The following GRAMD1C variants were observed in gnomAD, a reference collection of about 807,000 sequenced individuals.
The protein encoded by GRAMD1C is GRAM domain containing 1C, also known as protein Aster-C.
Under a neutral mutation model 97.8 loss-of-function variants are expected in GRAMD1C, and 89 were observed. That is an observed-to-expected ratio of 0.91 (90% CI 0.77 to 1.09). The LOEUF (loss-of-function observed/expected upper bound fraction) is 1.09. Among genes scored for constraint, GRAMD1C ranks in the 50% least tolerant of loss-of-function variants. The pLI is 0.00. For missense variants in GRAMD1C, 740 were observed against 766.4 expected, an observed-to-expected ratio of 0.97 and a Z score of 0.41; for synonymous variants, 256 against 267.0, an observed-to-expected ratio of 0.96 and a Z score of 0.40.
chr3:113,832,826 T>G (rs1228887642), intron 1 of GRAMD1C, among the ~76,000 whole-genome samples: 1 of 152,196 alleles, frequency 6.6e-6, no homozygotes, highest in Non-Finnish European at 1.5e-5. Flanking sequence ...ACTGGCTTTC[T>G]GTGTGTGCTG....
At chr3:113,885,694 G>A in intron 6 of GRAMD1C, 2 of 1,527,246 alleles carry the variant, frequency 1.3e-6, no homozygotes, top group Non-Finnish European at 1.8e-6. Flanking sequence ...TTTACAGAAA[G>A]CATGGAGATC....
Position 113,943,383 on chromosome 3 carries a change from CCAT to C in GRAMD1C, c.1909-2009_1909-2007del, listed in dbSNP as rs1202041883. 3.9e-5 allele frequency among the ~76,000 whole-genome samples: 6 copies of C among 152,252 alleles called. No homozygotes were observed. In the South Asian group the frequency reaches 6.2e-4, roughly 16 times the overall value. ...AGTTTTTATTCACAAGGTTGTGCAACCATCATCACTATCTAATTCCAGAGCATT... is the reference window on the plus strand; with the variant it reads ...AGTTTTTATTCACAAGGTTGTGCAACCATCACTATCTAATTCCAGAGCATT... On this transcript the variant is annotated intron_variant, in intron 17 of 17. Transcript: ENST00000358160.
chr3:113,834,596 T>C (rs1433290150), upstream of GRAMD1C, among the ~76,000 whole-genome samples: 1 of 152,160 alleles, frequency 6.6e-6, no homozygotes, highest in African/African-American at 2.4e-5. Context: ...AGTGTGGTTT[T>C]AATTTCTATG....
At chr3:113,933,085 A>G (rs1273983389) in intron 11 of GRAMD1C, among the ~76,000 whole-genome samples, 1 of 151,966 alleles carries the variant, frequency 6.6e-6, no homozygotes, top group East Asian at 1.9e-4. Flanking sequence ...AAGTTTTGCC[A>G]TGTTGGCCAG....
intron 2 of GRAMD1C, among the ~76,000 whole-genome samples, chr3:113,859,272 G>T (rs972601151): frequency 3.9e-5 from 6 of 151,962 alleles, no homozygotes; most frequent in African/African-American, 1.4e-4. Flanking sequence ...TTACATTAAG[G>T]TTTTAATTTT....
intron 6 of GRAMD1C, among the ~76,000 whole-genome samples, chr3:113,900,754 T>C (rs930111401): frequency 6.6e-6 from 1 of 152,032 alleles, no homozygotes; most frequent in Admixed American, 6.6e-5. Flanking sequence ...GAAAGAAAAT[T>C]TAAAACATTT....
chr3:113,859,830 G>A (rs1934294117), intron 2 of GRAMD1C, among the ~76,000 whole-genome samples: 1 of 152,110 alleles, frequency 6.6e-6, no homozygotes, highest in Admixed American at 6.6e-5. Flanking sequence ...AGAAGAATGA[G>A]CACAAATCCT....
chr3:113,859,927 A>G (rs531363902), intron 2 of GRAMD1C, among the ~76,000 whole-genome samples: 1 of 152,354 alleles, frequency 6.6e-6, no homozygotes, highest in Admixed American at 6.5e-5. Flanking sequence ...TCCAAAACCA[A>G]AGCTAATTGT....
At chr3:113,904,654 G>A (rs1410692977) in intron 8 of GRAMD1C, among the ~76,000 whole-genome samples, 1 of 151,688 alleles carries the variant, frequency 6.6e-6, no homozygotes, top group Non-Finnish European at 1.5e-5. Flanking sequence ...GGAACAGCAT[G>A]GAGAAAGAAT....
intron 8 of GRAMD1C, among the ~76,000 whole-genome samples, chr3:113,906,322 T>C (rs935637457): frequency 2.4e-4 from 37 of 152,336 alleles, no homozygotes; most frequent in Non-Finnish European, 4.9e-4. Context: ...CCATGCATGT[T>C]ATTCTCCCTG....
chr3:113,932,966 C>G (rs1461675010), intron 11 of GRAMD1C, among the ~76,000 whole-genome samples: 1 of 151,328 alleles, frequency 6.6e-6, no homozygotes, highest in Admixed American at 6.6e-5. Flanking sequence ...ACTGCAACCT[C>G]TGCCTCCTGG....
intron 3 of GRAMD1C, among the ~76,000 whole-genome samples, chr3:113,872,995 G>T (rs1369321548): frequency 2.0e-5 from 3 of 149,390 alleles, no homozygotes; most frequent in South Asian, 2.1e-4. Context: ...TGAGGCAGGA[G>T]AATGGCGTGA....
chr3:113,902,270 T>G (rs1936204842), intron 7 of GRAMD1C, among the ~76,000 whole-genome samples: 2 of 152,354 alleles, frequency 1.3e-5, no homozygotes, highest in South Asian at 4.1e-4. Flanking sequence ...ATCAGTATTT[T>G]ATAGGCTTTT....
chr3:113,932,109 T>C (rs1007406426), intron 11 of GRAMD1C, among the ~76,000 whole-genome samples: 1 of 152,118 alleles, frequency 6.6e-6, no homozygotes, highest in Non-Finnish European at 1.5e-5. Context: ...GTGACCAGAG[T>C]GGCAGTGTCT....
chr3:113,887,939 C>G lies in GRAMD1C; in HGVS notation c.540+5107C>G, dbSNP rs536380703. ...AAGTCACAAACTACAAAAACTGACT[C>G]AAGTAGAAATAGAGAATTTGAATAG... On this transcript the variant is annotated intron_variant, in intron 6 of 17. Transcript: ENST00000358160. 2.6e-5 allele frequency among the ~76,000 whole-genome samples: 4 copies of G among 152,022 alleles called. No homozygotes were observed. In the South Asian group the frequency reaches 8.3e-4, roughly 32 times the overall value.
chr3:113,919,549 G>A (rs1316491699), intron 10 of GRAMD1C: 5 of 554,374 alleles, frequency 9.0e-6, no homozygotes, highest in South Asian at 2.9e-5. Context: ...ATGATTTTGA[G>A]TTTATGCAAG....
chr3:113,898,302 ATTAT>A (rs977628584), intron 6 of GRAMD1C, among the ~76,000 whole-genome samples: 7 of 151,990 alleles, frequency 4.6e-5, no homozygotes, highest in African/African-American at 1.4e-4. Context: ...TTTGATATCT[ATTAT>A]TTAAGAAAAG....
At chr3:113,887,818 C>G (rs1451172827) in intron 6 of GRAMD1C, among the ~76,000 whole-genome samples, 2 of 150,268 alleles carry the variant, frequency 1.3e-5, no homozygotes, top group African/African-American at 4.9e-5. Flanking sequence ...GACAATACTA[C>G]TAACCTTATA....
chr3:113,869,556 TCA>T lies in GRAMD1C; in HGVS notation c.229_230del (p.His77SerfsTer3). The T allele has an allele frequency of 6.4e-7, 1 of 1,553,990 alleles. No homozygotes were observed. The highest frequency in any genetic ancestry group is 8.8e-7 in the Non-Finnish European group (1 of 1,136,474). ...AGGAATGAGGAATACAGAAGACAGT[TCA>T]CACATCTACCTGATACAGAGAGGCT... On this transcript the variant is annotated frameshift_variant, in exon 3 of 18. Transcript: ENST00000358160. LOFTEE classifies it high-confidence loss of function.
Sources: allele counts gnomAD v4.1 joint callset (sites outside exome capture counted in the v4.1 genomes callset), GRCh38; gene constraint gnomAD v4.1.1; transcripts MANE v1.5; gene names NCBI Gene and HGNC (gene_info 2026-07-23, HGNC 2026-07-21).